The following CNTNAP5 variants were observed in gnomAD, a reference collection of about 807,000 sequenced individuals.
CNTNAP5 encodes the protein contactin associated protein family member 5, also known as contactin-associated protein-like 5.
In CNTNAP5, 72 loss-of-function variants were observed where a neutral mutation model predicts 150.2. The observed-to-expected ratio is 0.48, with a 90% CI of 0.40 to 0.58. The LOEUF (loss-of-function observed/expected upper bound fraction) is 0.58. CNTNAP5 is among the 20% of genes least tolerant of loss of function. The pLI is 0.00. For synonymous variants in CNTNAP5, 672 were observed against 619.8 expected, an observed-to-expected ratio of 1.08 and a Z score of -1.25; for missense variants, 1,636 against 1,626.2, an observed-to-expected ratio of 1.01 and a Z score of -0.10.
intron 1 of CNTNAP5, among the ~76,000 whole-genome samples, chr2:124,095,879 A>C (rs1041753870): frequency 6.6e-6 from 1 of 152,074 alleles, no homozygotes; most frequent in Non-Finnish European, 1.5e-5. Flanking sequence ...AATCTTTAAC[A>C]CTCTTATGAG....
chr2:124,086,964 C>CT (rs1216104000), intron 1 of CNTNAP5, among the ~76,000 whole-genome samples: 1 of 151,602 alleles, frequency 6.6e-6, no homozygotes, highest in Non-Finnish European at 1.5e-5. Flanking sequence ...TTGAATACAT[C>CT]TTTTTATATA....
At chr2:124,754,592 C>T (rs1326147422) in intron 14 of CNTNAP5, among the ~76,000 whole-genome samples, 1 of 152,154 alleles carries the variant, frequency 6.6e-6, no homozygotes, top group African/African-American at 2.4e-5. Context: ...TTATTTTCTG[C>T]TGTTTCAGTC....
chr2:124,124,189 AAAAT>A (rs1683632026), intron 1 of CNTNAP5, among the ~76,000 whole-genome samples: 1 of 152,190 alleles, frequency 6.6e-6, no homozygotes, highest in East Asian at 1.9e-4. Flanking sequence ...ATGGCTAACT[AAAAT>A]AAACAGTGTA....
chr2:124,536,798 C>T (rs1695242609), intron 10 of CNTNAP5, among the ~76,000 whole-genome samples: 1 of 151,908 alleles, frequency 6.6e-6, no homozygotes, highest in Non-Finnish European at 1.5e-5. Context: ...TCCAAGGGCT[C>T]TCATGTGGAG....
chr2:124,125,280 A>T (rs1683662962), intron 1 of CNTNAP5, among the ~76,000 whole-genome samples: 1 of 152,200 alleles, frequency 6.6e-6, no homozygotes, highest in Non-Finnish European at 1.5e-5. Flanking sequence ...CTGATAAAAC[A>T]GACTTTAAAC....
intron 11 of CNTNAP5, among the ~76,000 whole-genome samples, chr2:124,598,751 C>T (rs867148250): frequency 5.3e-5 from 8 of 152,164 alleles, no homozygotes; most frequent in Admixed American, 1.3e-4. Context: ...GCCTCGCTGC[C>T]GCCTTGCAGT....
At chr2:124,369,543 A>G (rs1294517843) in intron 3 of CNTNAP5, among the ~76,000 whole-genome samples, 4 of 152,184 alleles carry the variant, frequency 2.6e-5, no homozygotes, top group Admixed American at 6.5e-5. Flanking sequence ...GGTGATTCTA[A>G]ATCAGAGATA....
chr2:124,647,811 C>T lies in CNTNAP5; in HGVS notation c.1930C>T (p.Arg644Trp), dbSNP rs200795882. The T allele has an allele frequency of 2.7e-4, 437 of 1,613,182 alleles. No individual in the cohort carries two copies. Among genetic ancestry groups the T allele is most frequent in the African/African-American group, 6.5e-4 (49 of 75,036 alleles). Residue 644 changes from arginine to tryptophan, a missense_variant, in exon 13 of 24, where the codon CGG becomes TGG. Physicochemically the swap from Arg to Trp is moderately radical, Grantham distance 101. Coordinates refer to ENST00000682447, the MANE Select transcript of CNTNAP5 (RefSeq NM_001367498.1). ...QHNNTELTRV[R>W]GANPEKPYAM... ...CAACAATACAGAGCTGACCCGAGTG[C>T]GGGGCGCTAACCCTGAGAAGCCCTA... is the stretch of plus-strand genomic sequence containing the variant.
chr2:124,441,401 A>T (rs1451465016), intron 5 of CNTNAP5, among the ~76,000 whole-genome samples: 1 of 152,070 alleles, frequency 6.6e-6, no homozygotes, highest in African/African-American at 2.4e-5. Flanking sequence ...AATGATTATG[A>T]TAAATGCATT....
chr2:124,586,441 A>C (rs1472053530), intron 11 of CNTNAP5, among the ~76,000 whole-genome samples: 1 of 152,180 alleles, frequency 6.6e-6, no homozygotes, highest in African/African-American at 2.4e-5. Context: ...TGCAGGACAC[A>C]TGATTTTACC....
At chr2:124,270,647 T>A (rs1687724984) in intron 3 of CNTNAP5, among the ~76,000 whole-genome samples, 2 of 152,202 alleles carry the variant, frequency 1.3e-5, no homozygotes, top group Non-Finnish European at 2.9e-5. Context: ...GAGTATGTAA[T>A]TTGGTCATTT....
At chr2:124,408,638 C>T (rs1362674167) in intron 3 of CNTNAP5, among the ~76,000 whole-genome samples, 1 of 151,752 alleles carries the variant, frequency 6.6e-6, no homozygotes, top group Non-Finnish European at 1.5e-5. Flanking sequence ...TGACACCTCA[C>T]AAGGCAGGGT....
intron 1 of CNTNAP5, among the ~76,000 whole-genome samples, chr2:124,113,710 G>A (rs1380141285): frequency 6.6e-6 from 1 of 151,624 alleles, no homozygotes; most frequent in African/African-American, 2.4e-5. Context: ...ATAGCCTCTT[G>A]CATCTTGTTT....
chr2:124,611,676 C>T (rs140357691), intron 12 of CNTNAP5, among the ~76,000 whole-genome samples: 67 of 152,136 alleles, frequency 4.4e-4, no homozygotes, highest in Non-Finnish European at 8.1e-4. Flanking sequence ...TTTTACTGAG[C>T]TTTTCAAGTG....
chr2:124,243,617 A>C (rs553742499), intron 3 of CNTNAP5, among the ~76,000 whole-genome samples: 8 of 152,274 alleles, frequency 5.3e-5, no homozygotes, highest in African/African-American at 1.7e-4. Context: ...GTGAGTATAC[A>C]TGGAAACAAA....
chr2:124,254,659 C>T (rs1239092653), intron 3 of CNTNAP5, among the ~76,000 whole-genome samples: 3 of 152,168 alleles, frequency 2.0e-5, no homozygotes, highest in African/African-American at 7.2e-5. Context: ...TTGAGCATGG[C>T]TTTAGAATAA....
At chr2:124,088,308 C>T (rs547573804) in intron 1 of CNTNAP5, among the ~76,000 whole-genome samples, 1 of 152,000 alleles carries the variant, frequency 6.6e-6, no homozygotes, top group African/African-American at 2.4e-5. Context: ...TGTTTATTTG[C>T]TGATACTTTT....
At chr2:124,119,770 A>T (rs1573767695) in intron 1 of CNTNAP5, among the ~76,000 whole-genome samples, 2 of 152,306 alleles carry the variant, frequency 1.3e-5, no homozygotes, top group South Asian at 4.1e-4. Flanking sequence ...ATAGACTATG[A>T]TATAACATTT....
intron 11 of CNTNAP5, among the ~76,000 whole-genome samples, chr2:124,595,863 T>C (rs1433666792): frequency 7.3e-6 from 1 of 136,378 alleles, no homozygotes; most frequent in Admixed American, 7.7e-5. Flanking sequence ...TGGTTTAGTC[T>C]TGGGAGAGTG....
Sources: allele counts gnomAD v4.1 joint callset (sites outside exome capture counted in the v4.1 genomes callset), GRCh38; gene constraint gnomAD v4.1.1; transcripts MANE v1.5; gene names NCBI Gene and HGNC (gene_info 2026-07-23, HGNC 2026-07-21).